Variants in IREB2 observed in about 807,000 individuals in gnomAD.
IREB2 encodes iron responsive element binding protein 2, also known as iron-responsive element-binding protein 2.
IREB2 carries 39 observed loss-of-function variants against 118.8 expected under a neutral mutation model. That is an observed-to-expected ratio of 0.33 (90% confidence interval 0.25 to 0.43). IREB2 has a LOEUF of 0.43. IREB2 is among the 20% of genes least tolerant of loss of function. The pLI, the probability that IREB2 is intolerant of heterozygous loss-of-function variation, is 1.00. For missense variants in IREB2, 900 were observed against 1,147.3 expected (o/e 0.78, Z 3.11); for synonymous variants, 372 against 392.2 (o/e 0.95, Z 0.61).
rs557095478 is a variant in IREB2 at position 78,446,185 on chromosome 15, T to G, written c.106+6304T>G. ...ACAAATCTGTTCATCTTGTCTTTTATGTGGACTCTTGAAAAGACTGGGTTG... is the reference window on the plus strand; with the variant it reads ...ACAAATCTGTTCATCTTGTCTTTTAGGTGGACTCTTGAAAAGACTGGGTTG... On this transcript the variant is annotated intron_variant, in intron 2 of 21. Transcript: ENST00000258886. Among the ~76,000 whole-genome samples, 4 of 152,370 alleles carry G rather than the reference T, an allele frequency of 2.6e-5. No individual in the cohort carries two copies. The South Asian group carries it at 8.3e-4, about 32-fold the overall frequency.
At chr15:78,467,179 A>C (rs1454880636) in intron 5 of IREB2, among the ~76,000 whole-genome samples, 2 of 146,322 alleles carry the variant, frequency 1.4e-5, no homozygotes, top group Non-Finnish European at 1.5e-5. Flanking sequence ...ACTGCACTCC[A>C]GCCTGGGTGT....
intron 2 of IREB2, among the ~76,000 whole-genome samples, chr15:78,455,455 C>T (rs952706367): frequency 2.6e-5 from 4 of 151,984 alleles, no homozygotes; most frequent in Admixed American, 2.6e-4. Flanking sequence ...CAAGGCTGGA[C>T]ATAGTGTCTC....
intron 9 of IREB2, among the ~76,000 whole-genome samples, chr15:78,478,081 TAA>T (rs531329014): frequency 2.1e-4 from 26 of 126,466 alleles, no homozygotes; most frequent in Non-Finnish European, 2.9e-4. Context: ...AAAACATTTG[TAA>T]AAAAAAAAAA....
At chr15:78,465,182 A>T in intron 3 of IREB2, 69 bp from the exon 4 acceptor site, 1 of 1,245,080 alleles carries the variant, frequency 8.0e-7, no homozygotes, top group East Asian at 2.4e-5. Context: ...AAAATGAAAA[A>T]GTTTATCATT....
intron 16 of IREB2, among the ~76,000 whole-genome samples, chr15:78,489,486 T>G (rs2051714414): frequency 6.6e-6 from 1 of 152,182 alleles, no homozygotes; most frequent in Non-Finnish European, 1.5e-5. Context: ...ATTAGCTAAA[T>G]TATGCAATAT....
intron 7 of IREB2, among the ~76,000 whole-genome samples, chr15:78,472,837 T>G (rs192836087): frequency 6.6e-6 from 1 of 152,342 alleles, no homozygotes; most frequent in East Asian, 1.9e-4. Context: ...TACCTCACTT[T>G]GTAAGCTTAC....
chr15:78,493,623 G>A (rs539060605), intron 18 of IREB2, among the ~76,000 whole-genome samples: 49 of 151,660 alleles, frequency 3.2e-4, no homozygotes, highest in African/African-American at 1.1e-3. Flanking sequence ...TTGGTGTAAA[G>A]ATTTTTTTTT....
At chr15:78,497,779 C>T (rs1038894557) in intron 21 of IREB2, among the ~76,000 whole-genome samples, 3 of 152,150 alleles carry the variant, frequency 2.0e-5, no homozygotes, top group African/African-American at 7.2e-5. Flanking sequence ...AGTATAACTT[C>T]CCCAATTAAT....
At chr15:78,476,934 A>G (rs1566982836) in intron 9 of IREB2, among the ~76,000 whole-genome samples, 1 of 152,216 alleles carries the variant, frequency 6.6e-6, no homozygotes, top group African/African-American at 2.4e-5. Flanking sequence ...TGCTATTTAA[A>G]AAGTAAGATC....
chr15:78,485,903 T>C, intron 13 of IREB2, 63 bp downstream of exon 13: 10 of 1,362,780 alleles, frequency 7.3e-6, no homozygotes, highest in Non-Finnish European at 1.0e-5. Context: ...AAGCTGCTTG[T>C]TTGTGCCTTT....
chr15:78,485,255 T>C (rs1006698225), intron 12 of IREB2, among the ~76,000 whole-genome samples: 2 of 152,232 alleles, frequency 1.3e-5, no homozygotes, highest in African/African-American at 2.4e-5. Flanking sequence ...TTAAAAGTTA[T>C]AAAAGTAGTA....
At chr15:78,469,313 G>A (rs1031530944) in intron 5 of IREB2, among the ~76,000 whole-genome samples, 1 of 152,046 alleles carries the variant, frequency 6.6e-6, no homozygotes, top group Non-Finnish European at 1.5e-5. Context: ...TAAAATAATT[G>A]GAGTGGCTCA....
intron 2 of IREB2, among the ~76,000 whole-genome samples, chr15:78,462,250 G>A (rs2051209865): frequency 6.6e-6 from 1 of 152,088 alleles, no homozygotes. Flanking sequence ...CCATTGTGTG[G>A]ATTACAGTGA....
chr15:78,458,999 C>T (rs1279935188), intron 2 of IREB2, among the ~76,000 whole-genome samples: 1 of 151,778 alleles, frequency 6.6e-6, no homozygotes, highest in African/African-American at 2.4e-5. Context: ...GGGGTTTCCA[C>T]CATGTTGCCC....
In IREB2 at chr15:78,498,375, G is replaced by T; in HGVS notation, c.*232G>T. 3.9e-6 allele frequency: 1 copy of T among 253,978 alleles called. No homozygotes were observed. Among genetic ancestry groups the T allele is most frequent in the Non-Finnish European group, 7.1e-6 (1 of 140,510 alleles). 15.7% of individuals were successfully genotyped at this position (253,978 alleles called of 1,614,324 possible). On this transcript the variant is annotated 3_prime_UTR_variant, in exon 22 of 22. Transcript: ENST00000258886. The stretch of plus-strand genomic sequence containing the variant: ...AAAATCAACGTGTGAAGTGTGTTGT[G>T]GAAGAGACCTGTAAGTATGGGGGGG...
chr15:78,461,837 CCA>C (rs1245253261), intron 2 of IREB2, among the ~76,000 whole-genome samples: 5 of 152,134 alleles, frequency 3.3e-5, no homozygotes, highest in Admixed American at 3.3e-4. Context: ...GCTTGTTACA[CCA>C]GTCACAATCT....
At chr15:78,475,585 TGCAGTG>T (rs2051455215) in intron 8 of IREB2, 1 of 152,072 alleles carries the variant, frequency 6.6e-6, no homozygotes, top group African/African-American at 2.4e-5. Flanking sequence ...AAGGGCTGTG[TGCAGTG>T]GCTCACACCT....
chr15:78,446,494 A>G (rs540495549), intron 2 of IREB2, among the ~76,000 whole-genome samples: 157 of 152,296 alleles, frequency 1.0e-3, no homozygotes, highest in Middle Eastern at 3.4e-3. Flanking sequence ...GTGGCCCAGA[A>G]TTAAGGAAGT....
chr15:78,471,846 G>A lies in IREB2; in HGVS notation c.805G>A (p.Asp269Asn). The change falls in exon 7 of 22, where the codon GAC becomes AAC. Residue 269 changes from aspartate (D) to asparagine (N), a missense_variant. By Grantham distance (23) the Asp-to-Asn change is conservative. Coordinates refer to ENST00000258886, the MANE Select transcript of IREB2 (RefSeq NM_004136.4). ...GTCAAGAGTGGTTTTTGAAGAAAAA[G>A]ACCTCCTCTTCCCAGACAGTGTAGT... ...YLSRVVFEEK[D>N]LLFPDSVVGT... The A allele has an allele frequency of 6.2e-7, 1 of 1,613,768 alleles. No individual in the cohort carries two copies. Among genetic ancestry groups the A allele is most frequent in the Non-Finnish European group, 8.5e-7 (1 of 1,179,796 alleles).
Sources: allele counts gnomAD v4.1 joint callset (sites outside exome capture counted in the v4.1 genomes callset), GRCh38; gene constraint gnomAD v4.1.1; transcripts MANE v1.5; gene names NCBI Gene and HGNC (gene_info 2026-07-23, HGNC 2026-07-21).